Variants in USP32 observed in about 807,000 individuals in gnomAD.
USP32 encodes the protein ubiquitin specific peptidase 32, also known as ubiquitin carboxyl-terminal hydrolase 32.
Under a neutral mutation model 204.8 loss-of-function variants are expected in USP32, and 59 were observed. The observed-to-expected ratio is 0.29, with a 90% CI of 0.23 to 0.36. The LOEUF (loss-of-function observed/expected upper bound fraction) is 0.36, where lower values mean the gene tolerates loss of function less well. Among genes scored for constraint, USP32 ranks in the 10% least tolerant of loss-of-function variants. The pLI is 1.00. For missense variants in USP32, 1,160 were observed against 1,946.4 expected, an observed-to-expected ratio of 0.60 and a Z score of 7.60; for synonymous variants, 517 against 678.4, an observed-to-expected ratio of 0.76 and a Z score of 3.70.
chr17:60,339,142 C>CTCAGTT (rs1447171150), intron 2 of USP32, among the ~76,000 whole-genome samples: 1 of 151,884 alleles, frequency 6.6e-6, no homozygotes, highest in Non-Finnish European at 1.5e-5. Flanking sequence ...AACTCCTGAC[C>CTCAGTT]TCAGGTGATC....
chr17:60,408,557 T>C (rs1405701823), intron 1 of USP32, among the ~76,000 whole-genome samples: 1 of 152,042 alleles, frequency 6.6e-6, no homozygotes, highest in Admixed American at 6.6e-5. Flanking sequence ...TTTGTATTTT[T>C]AGTAGAGATG....
At position 60,235,133 on chromosome 17, in the gene USP32, G is replaced by A. The variant is rs78976337; in HGVS notation, c.1239+1005C>T. On this transcript the variant is annotated intron_variant, in intron 12 of 33. Transcript: ENST00000300896. The stretch of plus-strand genomic sequence containing the variant: ...ATTGTGTTCCTACGGAAAACAAAAC[G>A]TAATACATCCAAGACAAAACTAGGT... Among the ~76,000 whole-genome samples, 213 of 152,198 alleles carry A rather than the reference G, an allele frequency of 1.4e-3. 1 individual carries two copies. Among genetic ancestry groups the A allele is most frequent in the African/African-American group, 4.8e-3 (200 of 41,508 alleles).
At chr17:60,310,955 C>T (rs1412054747) in intron 2 of USP32, among the ~76,000 whole-genome samples, 1 of 152,002 alleles carries the variant, frequency 6.6e-6, no homozygotes, top group East Asian at 1.9e-4. Flanking sequence ...AAGTAGATCT[C>T]ATGAAGATGA....
intron 5 of USP32, among the ~76,000 whole-genome samples, chr17:60,278,954 A>G (rs2086901281): frequency 6.6e-6 from 1 of 152,232 alleles, no homozygotes; most frequent in Admixed American, 6.5e-5. Flanking sequence ...ATAACTATGG[A>G]CAAAATGGAA....
chr17:60,222,871 G>A (rs1211794284), intron 14 of USP32, among the ~76,000 whole-genome samples: 2 of 151,656 alleles, frequency 1.3e-5, no homozygotes, highest in East Asian at 1.9e-4. Context: ...TAGTAGAGAC[G>A]GGGTTTCACC....
rs2084229909 is a variant in USP32, at chr17:60,185,587, T to C, written c.3707A>G (p.Asp1236Gly). 6.2e-7 allele frequency: 1 copy of C among 1,611,866 alleles called. No homozygotes were observed. The highest frequency in any genetic ancestry group is 1.3e-5 in the African/African-American group (1 of 74,840). ...RRAQAEPINL[D>G]SCLRAFTSEE... ...ACTGGTGAAAGCACGGAGACAGCTGTCCAGGTTGATGGGCTCGGCTTGCGC... is the reference window on the plus strand; with the variant it reads ...ACTGGTGAAAGCACGGAGACAGCTGCCCAGGTTGATGGGCTCGGCTTGCGC... The change falls in exon 30 of 34, where the codon GAC becomes GGC. Residue 1236 changes from aspartate to glycine, a missense_variant. Transcript: ENST00000300896.
At chr17:60,404,933 T>C (rs1158836322) in intron 1 of USP32, among the ~76,000 whole-genome samples, 1 of 152,090 alleles carries the variant, frequency 6.6e-6, no homozygotes, top group Non-Finnish European at 1.5e-5. Flanking sequence ...TCCCAGCACT[T>C]TGGGAGGCCG....
chr17:60,382,970 G>A (rs867301178), intron 1 of USP32, among the ~76,000 whole-genome samples: 4 of 151,894 alleles, frequency 2.6e-5, no homozygotes, highest in African/African-American at 7.3e-5. Context: ...AGCACAGGCC[G>A]GGCGCGGTGG....
intron 1 of USP32, among the ~76,000 whole-genome samples, chr17:60,383,999 A>C (rs774668549): frequency 6.6e-5 from 10 of 152,242 alleles, no homozygotes; most frequent in Non-Finnish European, 1.5e-4. Flanking sequence ...AGTGGGGACT[A>C]AAGTGGAGGC....
intron 1 of USP32, chr17:60,421,585 G>A (rs370934164): frequency 4.1e-6 from 4 of 984,640 alleles, no homozygotes; most frequent in East Asian, 1.1e-4. Flanking sequence ...GCTCGAGTGA[G>A]GAAACTGCGG....
intron 31 of USP32, among the ~76,000 whole-genome samples, chr17:60,182,429 A>G (rs117611372): frequency 0.019 from 2,844 of 152,330 alleles, 39 homozygotes; most frequent in African/African-American, 0.036. Context: ...TTGTGAGAGA[A>G]TAAAAGTGAA....
intron 1 of USP32, among the ~76,000 whole-genome samples, chr17:60,364,594 C>T (rs1281740186): frequency 6.6e-6 from 1 of 152,162 alleles, no homozygotes; most frequent in East Asian, 1.9e-4. Flanking sequence ...CCAGACTGGT[C>T]TCAAACTCCT....
intron 5 of USP32, among the ~76,000 whole-genome samples, chr17:60,271,848 CA>C (rs1418824196): frequency 6.7e-6 from 1 of 150,362 alleles, no homozygotes; most frequent in East Asian, 2.0e-4. Context: ...TTTGCTCTGT[CA>C]CTCCCAAGCT....
chr17:60,338,782 C>T (rs1446800681), intron 2 of USP32, among the ~76,000 whole-genome samples: 2 of 152,138 alleles, frequency 1.3e-5, no homozygotes, highest in East Asian at 1.9e-4. Context: ...AAGTAGAATA[C>T]ATTTTTCATT....
chr17:60,375,782 A>G (rs947648386), intron 1 of USP32, among the ~76,000 whole-genome samples: 3 of 151,928 alleles, frequency 2.0e-5, no homozygotes, highest in African/African-American at 7.3e-5. Flanking sequence ...TTTTTATTGT[A>G]TTTTTAGTAG....
At chr17:60,394,385 A>C (rs181499818), upstream of USP32, among the ~76,000 whole-genome samples, 1 of 152,352 alleles carries the variant, frequency 6.6e-6, no homozygotes, top group Admixed American at 6.5e-5. Flanking sequence ...CTTGCTATAC[A>C]AGGGATAGGC....
At chr17:60,296,871 T>C (rs1282111692) in intron 3 of USP32, among the ~76,000 whole-genome samples, 1 of 152,126 alleles carries the variant, frequency 6.6e-6, no homozygotes, top group East Asian at 1.9e-4. Context: ...CTCCCTGTCT[T>C]GGCCAAGGGG....
chr17:60,353,578 TA>T (rs2089001875), intron 1 of USP32, among the ~76,000 whole-genome samples: 1 of 151,904 alleles, frequency 6.6e-6, no homozygotes, highest in Admixed American at 6.6e-5. Context: ...CCATCTCTAC[TA>T]AAAATACAAA....
chr17:60,233,534 G>A (rs1245710866), intron 12 of USP32, among the ~76,000 whole-genome samples: 1 of 152,128 alleles, frequency 6.6e-6, no homozygotes, highest in African/African-American at 2.4e-5. Flanking sequence ...CACTATGAGG[G>A]CGATTATTAT....
Sources: gnomAD v4.1 joint callset for allele counts (sites outside exome capture counted in the v4.1 genomes callset) on GRCh38, gnomAD v4.1.1 for gene constraint, MANE v1.5 for transcripts, NCBI Gene and HGNC (gene_info 2026-07-23, HGNC 2026-07-21) for gene names.